SLC35F3: variants seen among roughly 807,000 people sequenced by gnomAD.
The protein encoded by SLC35F3 is putative thiamine transporter SLC35F3.
SLC35F3 carries 25 observed loss-of-function variants against 49.9 expected under a neutral mutation model. The ratio of observed to expected loss-of-function variants is 0.50; its 90% confidence interval spans 0.37 to 0.70. The LOEUF is 0.70. Among genes scored for constraint, SLC35F3 ranks in the 30% least tolerant of loss-of-function variants. SLC35F3 has a pLI of 0.00. For missense variants in SLC35F3, 525 were observed against 639.8 expected, an observed-to-expected ratio of 0.82 and a Z score of 1.94; for synonymous variants, 275 against 265.4, an observed-to-expected ratio of 1.04 and a Z score of -0.35.
At chr1:234,036,271 G>A (rs1431265942) in intron 2 of SLC35F3, among the ~76,000 whole-genome samples, 1 of 152,152 alleles carries the variant, frequency 6.6e-6, no homozygotes, top group Non-Finnish European at 1.5e-5. Flanking sequence ...TCGTGATATT[G>A]CCCAGACTTG....
At chr1:234,211,066 G>A (rs1303538944) in intron 2 of SLC35F3, among the ~76,000 whole-genome samples, 1 of 152,248 alleles carries the variant, frequency 6.6e-6, no homozygotes, top group Non-Finnish European at 1.5e-5. Flanking sequence ...CATAGAGCTT[G>A]GGCTGTTGCT....
At chr1:234,072,105 C>A (rs1257847565) in intron 2 of SLC35F3, among the ~76,000 whole-genome samples, 3 of 152,248 alleles carry the variant, frequency 2.0e-5, no homozygotes, top group African/African-American at 7.2e-5. Flanking sequence ...ATATTGTAGG[C>A]AGCATGACTG....
chr1:234,300,414 A>G (rs747733878), intron 3 of SLC35F3, among the ~76,000 whole-genome samples: 2 of 152,206 alleles, frequency 1.3e-5, no homozygotes, highest in Non-Finnish European at 2.9e-5. Context: ...CCCATGCTTC[A>G]TTGTTTGAAA....
intron 2 of SLC35F3, among the ~76,000 whole-genome samples, chr1:233,967,749 C>G (rs1232851413): frequency 6.6e-6 from 1 of 152,104 alleles, no homozygotes; most frequent in Non-Finnish European, 1.5e-5. Flanking sequence ...TTTTTCCACT[C>G]CGGAGTATAG....
At chr1:234,216,482 A>T (rs549173779) in intron 2 of SLC35F3, among the ~76,000 whole-genome samples, 1 of 152,342 alleles carries the variant, frequency 6.6e-6, no homozygotes, top group East Asian at 1.9e-4. Context: ...GGTTGCCTTC[A>T]GGGAATGAAA....
intron 2 of SLC35F3, among the ~76,000 whole-genome samples, chr1:233,956,386 A>G (rs1177519096): frequency 6.6e-6 from 1 of 152,212 alleles, no homozygotes; most frequent in Non-Finnish European, 1.5e-5. Context: ...GCCCCACTGC[A>G]GTCTCTCACC....
intron 2 of SLC35F3, among the ~76,000 whole-genome samples, chr1:234,199,402 C>T (rs1220882050): frequency 6.6e-6 from 1 of 152,062 alleles, no homozygotes; most frequent in African/African-American, 2.4e-5. Context: ...GCAGTCTCTT[C>T]AATAAATGGT....
At chr1:234,253,039 C>A (rs1415884160) in intron 3 of SLC35F3, among the ~76,000 whole-genome samples, 1 of 152,104 alleles carries the variant, frequency 6.6e-6, no homozygotes. Flanking sequence ...GAATGCTGTT[C>A]AGCTGGCCAG....
At chr1:234,066,826 TCTCCCA>T (rs1252660026) in intron 2 of SLC35F3, among the ~76,000 whole-genome samples, 213 of 126,438 alleles carry the variant, frequency 1.7e-3, no homozygotes, top group African/African-American at 6.7e-3. Context: ...TGTCCCTCTC[TCTCCCA>T]CACACACACA....
chr1:234,136,809 A>T (rs552897262), intron 2 of SLC35F3, among the ~76,000 whole-genome samples: 1 of 152,256 alleles, frequency 6.6e-6, no homozygotes, highest in African/African-American at 2.4e-5. Flanking sequence ...GTGTGTGCAC[A>T]GCTTAGGCTC....
At position 234,168,256 on chromosome 1, in the gene SLC35F3, C is replaced by A. The variant is rs147265118; in HGVS notation, c.284-63161C>A. 1.5e-3 allele frequency among the ~76,000 whole-genome samples: 231 copies of A among 152,364 alleles called. 2 individuals carry two copies. In the South Asian group the frequency reaches 0.017, roughly 11 times the overall value. On this transcript the variant is annotated intron_variant, in intron 2 of 7. Coordinates refer to ENST00000366618, the MANE Select transcript of SLC35F3 (RefSeq NM_173508.4). Reference sequence around the variant, plus strand: ...CTGAAGGCTCCTTAGAGATTTCCTGCCACATGCGTGGCACTGAGCTTCTCA... The same window carrying A: ...CTGAAGGCTCCTTAGAGATTTCCTGACACATGCGTGGCACTGAGCTTCTCA...
Position 234,231,776 on chromosome 1 carries a change from C to A in SLC35F3, c.608+35C>A. On this transcript the variant is annotated intron_variant, in intron 3 of 7. Transcript: ENST00000366618. The surrounding 1 kb of genome is among the most constrained non-coding windows in gnomAD (Gnocchi z 5.4). ...TCCTGCATGAGGAGGCCTCCTGACC[C>A]CGGGCTGCTCCATCCAGCGCTGACT... is the stretch of plus-strand genomic sequence containing the variant. 2 of 1,560,840 alleles carry A rather than the reference C, an allele frequency of 1.3e-6. No individual in the cohort carries two copies. The highest frequency in any genetic ancestry group is 2.4e-5 in the South Asian group (2 of 82,038).
At chr1:234,254,590 G>C (rs922198814) in intron 3 of SLC35F3, among the ~76,000 whole-genome samples, 10 of 152,174 alleles carry the variant, frequency 6.6e-5, no homozygotes, top group African/African-American at 2.4e-4. Flanking sequence ...TTAGGCCCAA[G>C]TTAATTCTAT....
At chr1:234,075,346 GAGCC>G in intron 2 of SLC35F3, among the ~76,000 whole-genome samples, 2 of 152,328 alleles carry the variant, frequency 1.3e-5, no homozygotes, top group Middle Eastern at 6.8e-3. Flanking sequence ...ATTATGGGGA[GAGCC>G]AACGGAAGTG....
chr1:234,142,873 A>G (rs1207265561), intron 2 of SLC35F3, among the ~76,000 whole-genome samples: 3 of 152,214 alleles, frequency 2.0e-5, no homozygotes, highest in Non-Finnish European at 2.9e-5. Flanking sequence ...TATAGTCAGT[A>G]TGGGGAAATC....
rs1667380937 is a variant in SLC35F3, at chr1:234,231,749, C to A, written c.608+8C>A. 1.9e-6 allele frequency: 3 copies of A among 1,588,282 alleles called. No individual in the cohort carries two copies. Among genetic ancestry groups the A allele is most frequent in the African/African-American group, 1.3e-5 (1 of 74,596 alleles). On this transcript the variant is annotated splice_region_variant and intron_variant, in intron 3 of 7. Transcript: ENST00000366618. This position sits in a 1 kb window ranked among gnomAD's most constrained non-coding sequence, Gnocchi z 5.4. ...TGTGAAGCAGCGATACAGGTAGGCG[C>A]GTCCTGCATGAGGAGGCCTCCTGAC...
intron 2 of SLC35F3, among the ~76,000 whole-genome samples, chr1:234,189,557 G>A (rs544938799): frequency 1.3e-3 from 190 of 151,100 alleles, no homozygotes; most frequent in African/African-American, 4.2e-3. Flanking sequence ...CAAAGCCTCC[G>A]AGAAGTCTGG....
intron 2 of SLC35F3, among the ~76,000 whole-genome samples, chr1:233,925,964 A>C (rs892718444): frequency 1.3e-5 from 2 of 151,932 alleles, no homozygotes; most frequent in African/African-American, 4.8e-5. Context: ...ATTGGCCCCC[A>C]CTCTCTTCTG....
intron 2 of SLC35F3, among the ~76,000 whole-genome samples, chr1:234,219,557 G>T (rs949342413): frequency 6.6e-6 from 1 of 152,222 alleles, no homozygotes; most frequent in African/African-American, 2.4e-5. Context: ...AATAAAGAAT[G>T]CATGCTGAAA....
Sources: gnomAD v4.1 joint callset for allele counts (sites outside exome capture counted in the v4.1 genomes callset) on GRCh38, gnomAD v4.1.1 for gene constraint, Gnocchi (gnomAD v3.1) non-coding constraint, MANE v1.5 for transcripts, NCBI Gene and HGNC (gene_info 2026-07-23, HGNC 2026-07-21) for gene names.